The following LRFN5 variants were observed in gnomAD, a reference collection of about 807,000 sequenced individuals.
LRFN5 encodes leucine-rich repeat and fibronectin type-III domain-containing protein 5.
LRFN5 carries 24 observed loss-of-function variants against 45.6 expected under a neutral mutation model. The observed-to-expected ratio is 0.53, with a 90% CI of 0.38 to 0.74. The LOEUF is 0.74. LRFN5 is among the 30% of genes least tolerant of loss of function. LRFN5 has a pLI of 0.00. For synonymous variants in LRFN5, 340 were observed against 313.8 expected (o/e 1.08, Z -0.88); for missense variants, 776 against 861.5 (o/e 0.90, Z 1.24).
At chr14:41,718,966 A>G (rs943208336) in intron 1 of LRFN5, among the ~76,000 whole-genome samples, 1 of 152,188 alleles carries the variant, frequency 6.6e-6, no homozygotes, top group African/African-American at 2.4e-5. Context: ...TGACTGTAAG[A>G]CAGGAAGCCA....
intron 2 of LRFN5, among the ~76,000 whole-genome samples, chr14:41,795,524 C>A (rs1335661983): frequency 6.6e-6 from 1 of 152,094 alleles, no homozygotes; most frequent in Non-Finnish European, 1.5e-5. Flanking sequence ...TTGGAACCAA[C>A]CCAAATGTCC....
intron 1 of LRFN5, among the ~76,000 whole-genome samples, chr14:41,735,790 G>A (rs7158147): frequency 0.035 from 5,269 of 151,870 alleles, 314 homozygotes; most frequent in African/African-American, 0.12. Context: ...AGCATGTGAT[G>A]TTCCCCTCCC....
intron 1 of LRFN5, among the ~76,000 whole-genome samples, chr14:41,654,460 G>A (rs1290099953): frequency 6.6e-6 from 1 of 151,860 alleles, no homozygotes; most frequent in African/African-American, 2.4e-5. Flanking sequence ...AAATCCATAG[G>A]AAACTGGAAG....
chr14:41,735,995 C>A (rs1328331226), intron 1 of LRFN5, among the ~76,000 whole-genome samples: 1 of 152,138 alleles, frequency 6.6e-6, no homozygotes, highest in African/African-American at 2.4e-5. Context: ...TTGCTTTAAC[C>A]AGTCTATCAT....
chr14:41,903,583 T>G (rs1891162580), intron 5 of LRFN5, among the ~76,000 whole-genome samples: 1 of 151,692 alleles, frequency 6.6e-6, no homozygotes, highest in African/African-American at 2.4e-5. Context: ...TTACATTATT[T>G]TCTTTCAAAA....
chr14:41,861,421 G>A (rs28378370), intron 2 of LRFN5, among the ~76,000 whole-genome samples: 36,806 of 152,018 alleles, frequency 0.24, 4,754 homozygotes, highest in South Asian at 0.38. Flanking sequence ...GAATTCCTAT[G>A]TTATTCAACA....
chr14:41,681,555 A>G (rs867394240), intron 1 of LRFN5, among the ~76,000 whole-genome samples: 1 of 152,052 alleles, frequency 6.6e-6, no homozygotes, highest in African/African-American at 2.4e-5. Flanking sequence ...TATCCATCAA[A>G]TATAAGGGAG....
intron 2 of LRFN5, among the ~76,000 whole-genome samples, chr14:41,809,537 T>G (rs1304568789): frequency 6.6e-6 from 1 of 151,924 alleles, no homozygotes; most frequent in East Asian, 1.9e-4. Context: ...AAAATTTTAA[T>G]TAAAATATAT....
intron 1 of LRFN5, among the ~76,000 whole-genome samples, chr14:41,710,611 T>TA (rs1566631370): frequency 1.4e-4 from 17 of 120,842 alleles, no homozygotes; most frequent in South Asian, 2.7e-4. Context: ...ACATATATAT[T>TA]TTTTATTTTT....
chr14:41,864,763 T>C (rs995949382), intron 2 of LRFN5, among the ~76,000 whole-genome samples: 1 of 152,122 alleles, frequency 6.6e-6, no homozygotes, highest in African/African-American at 2.4e-5. Context: ...AGTGTTTACA[T>C]TCCCTTTCTC....
At chr14:41,761,491 T>C (rs1024803617) in intron 1 of LRFN5, among the ~76,000 whole-genome samples, 4 of 152,176 alleles carry the variant, frequency 2.6e-5, no homozygotes, top group Non-Finnish European at 5.9e-5. Flanking sequence ...GTGACCATAC[T>C]ATCTGTCTGC....
chr14:41,855,242 C>T (rs1335327864), intron 2 of LRFN5, among the ~76,000 whole-genome samples: 1 of 152,028 alleles, frequency 6.6e-6, no homozygotes, highest in African/African-American at 2.4e-5. Flanking sequence ...GGATATAACT[C>T]ACATAGATAT....
intron 2 of LRFN5, among the ~76,000 whole-genome samples, chr14:41,778,141 C>T (rs1196114636): frequency 6.6e-6 from 1 of 151,286 alleles, no homozygotes; most frequent in Non-Finnish European, 1.5e-5. Flanking sequence ...TTTATTTTGG[C>T]ATATTTAAAT....
intron 2 of LRFN5, among the ~76,000 whole-genome samples, chr14:41,869,425 C>T (rs554846950): frequency 6.2e-4 from 94 of 151,358 alleles, no homozygotes; most frequent in African/African-American, 2.2e-3. Flanking sequence ...TAACTTTATG[C>T]AGCTTTTTTT....
At chr14:41,723,154 T>G (rs551139081) in intron 1 of LRFN5, among the ~76,000 whole-genome samples, 1 of 152,274 alleles carries the variant, frequency 6.6e-6, no homozygotes, top group South Asian at 2.1e-4. Flanking sequence ...GTGGGGTGCC[T>G]CAGGCTGCTG....
At chr14:41,642,638 G>A (rs921282363) in intron 1 of LRFN5, among the ~76,000 whole-genome samples, 5 of 152,164 alleles carry the variant, frequency 3.3e-5, no homozygotes, top group African/African-American at 1.2e-4. Flanking sequence ...CAGGACTTGA[G>A]CCCTGACTCC....
intron 1 of LRFN5, among the ~76,000 whole-genome samples, chr14:41,765,117 G>C (rs955552121): frequency 2.0e-5 from 3 of 151,922 alleles, no homozygotes. Context: ...CGAGACGGGC[G>C]GATCACGAGG....
intron 1 of LRFN5, among the ~76,000 whole-genome samples, chr14:41,715,492 C>T (rs1883457248): frequency 6.6e-6 from 1 of 152,144 alleles, no homozygotes; most frequent in Non-Finnish European, 1.5e-5. Flanking sequence ...GGTATCTCAC[C>T]TTAACTTTAA....
At chr14:41,625,343 C>A (rs1888291134) in intron 1 of LRFN5, among the ~76,000 whole-genome samples, 1 of 152,014 alleles carries the variant, frequency 6.6e-6, no homozygotes, top group African/African-American at 2.4e-5. Flanking sequence ...CTCATGAGAC[C>A]CATTGGTTTT....
Sources: gnomAD v4.1 joint callset for allele counts (sites outside exome capture counted in the v4.1 genomes callset) on GRCh38, gnomAD v4.1.1 for gene constraint, MANE v1.5 for transcripts, NCBI Gene and HGNC (gene_info 2026-07-23, HGNC 2026-07-21) for gene names.